Variants in CYP4Z1 observed in about 807,000 individuals in gnomAD.
The protein encoded by CYP4Z1 is cytochrome P450 family 4 subfamily Z member 1.
Under a neutral mutation model 54.2 loss-of-function variants are expected in CYP4Z1, and 41 were observed. The ratio of observed to expected loss-of-function variants is 0.76; its 90% CI spans 0.59 to 0.98. The LOEUF (loss-of-function observed/expected upper bound fraction) is 0.98. Ranked by LOEUF, CYP4Z1 falls within the 50% of genes least tolerant of loss-of-function variation. The pLI, the probability that CYP4Z1 is intolerant of heterozygous loss-of-function variation, is 0.00. For synonymous variants in CYP4Z1, 163 were observed against 206.2 expected, an observed-to-expected ratio of 0.79 and a Z score of 1.79; for missense variants, 513 against 599.0, an observed-to-expected ratio of 0.86 and a Z score of 1.50.
chr1:47,061,759 T>G, the CYP4Z1 span, among the ~76,000 whole-genome samples: 2 of 152,210 alleles, frequency 1.3e-5, no homozygotes, highest in Admixed American at 1.3e-4. Flanking sequence ...ATATTCTTGA[T>G]GAACATTGAT....
intron 8 of CYP4Z1, among the ~76,000 whole-genome samples, chr1:47,100,414 A>C (rs1644712839): frequency 6.6e-6 from 1 of 152,244 alleles, no homozygotes; most frequent in Non-Finnish European, 1.5e-5. Context: ...ACAATTTATA[A>C]GTTTTAAATT....
intron 6 of CYP4Z1, among the ~76,000 whole-genome samples, chr1:47,086,151 C>T (rs1216624920): frequency 1.3e-5 from 2 of 152,134 alleles, no homozygotes; most frequent in Non-Finnish European, 2.9e-5. Flanking sequence ...CCACAGTAAA[C>T]ACACGTGTGC....
Position 47,074,446 on chromosome 1 carries a change from T to C in CYP4Z1, c.319+5683T>C, listed in dbSNP as rs527796916. ...CTACATTAATTCACTTAGGATAATGTCCTGCACCTGCATCCATGTTGCTGC... is the reference window on the plus strand; with the variant it reads ...CTACATTAATTCACTTAGGATAATGCCCTGCACCTGCATCCATGTTGCTGC... On this transcript the variant is annotated intron_variant, in intron 2 of 11. Transcript: ENST00000334194. 4.7e-3 allele frequency among the ~76,000 whole-genome samples: 708 copies of C among 152,168 alleles called. 6 individuals are homozygous for C. The highest frequency in any genetic ancestry group is 0.016 in the African/African-American group (665 of 41,462).
chr1:47,089,429 T>C (rs1334168998), intron 6 of CYP4Z1, among the ~76,000 whole-genome samples: 5 of 151,878 alleles, frequency 3.3e-5, no homozygotes, highest in Non-Finnish European at 7.4e-5. Context: ...AATTCCACAT[T>C]GTGGAAGTTA....
At chr1:47,063,172 C>T (rs867430234), upstream of CYP4Z1, among the ~76,000 whole-genome samples, 12 of 152,248 alleles carry the variant, frequency 7.9e-5, no homozygotes, top group Admixed American at 3.9e-4. Flanking sequence ...GGAAGCCCCA[C>T]TCCTAGGGGA....
At chr1:47,082,288 C>T (rs777684860) in intron 3 of CYP4Z1, 46 bp from the exon 4 acceptor site, 3 of 1,557,470 alleles carry the variant, frequency 1.9e-6, no homozygotes, top group Non-Finnish European at 1.7e-6. Context: ...TCTTTCTTCA[C>T]TTACCTGGCC....
intron 9 of CYP4Z1, among the ~76,000 whole-genome samples, chr1:47,109,294 A>C (rs1324111049): frequency 6.6e-6 from 1 of 152,184 alleles, no homozygotes; most frequent in Admixed American, 6.5e-5. Flanking sequence ...CAAGAAGAGA[A>C]ATTCCCAGTT....
chr1:47,085,862 G>C (rs1644590285), intron 6 of CYP4Z1, among the ~76,000 whole-genome samples: 1 of 102,788 alleles, frequency 9.7e-6, no homozygotes, highest in Admixed American at 1.5e-4. Context: ...CCCCACAACA[G>C]GCCCCAGTGT....
intron 1 of CYP4Z1, 49 bp downstream of exon 1, chr1:47,067,716 T>A (rs1433137242): frequency 6.7e-7 from 1 of 1,493,740 alleles, no homozygotes; most frequent in Admixed American, 2.1e-5. Flanking sequence ...AAAGATGAGG[T>A]ATTAAAAAAA....
chr1:47,116,755 T>G (rs751297304), intron 11 of CYP4Z1, 23 bp downstream of exon 11: 6 of 1,556,314 alleles, frequency 3.9e-6, no homozygotes, highest in Non-Finnish European at 5.3e-6. Flanking sequence ...GCTGGTGAAC[T>G]TGATGGAAAT....
Position 47,067,499 on chromosome 1 carries a change from C to T in CYP4Z1, c.9C>T (p.Pro3=), listed in dbSNP as rs1354510162. 1.2e-6 allele frequency: 2 copies of T among 1,608,612 alleles called. No homozygotes were observed. The highest frequency in any genetic ancestry group is 1.7e-6 in the Non-Finnish European group (2 of 1,177,016). The change falls in exon 1 of 12, where the codon CCC becomes CCT. Residue 3 remains proline, a synonymous_variant. Transcript: ENST00000334194. ME[P]SWLQELMAHP... is the part of the protein sequence containing the mutation. The stretch of plus-strand genomic sequence containing the variant: ...CAGGACCTCTGAGAAGAATGGAGCC[C>T]TCCTGGCTTCAGGAACTCATGGCTC...
intron 1 of CYP4Z1, among the ~76,000 whole-genome samples, chr1:47,068,384 C>T (rs1045827336): frequency 7.9e-5 from 12 of 152,012 alleles, no homozygotes; most frequent in African/African-American, 2.4e-4. Flanking sequence ...CCAAAGTTGA[C>T]GCTGGAGTGA....
At chr1:47,063,101 G>A (rs772483923), upstream of CYP4Z1, among the ~76,000 whole-genome samples, 6 of 152,120 alleles carry the variant, frequency 3.9e-5, no homozygotes, top group Admixed American at 1.3e-4. Flanking sequence ...CTAGAGCCTC[G>A]TAGCTCTGCT....
At chr1:47,091,503 T>G (rs1248652950) in intron 6 of CYP4Z1, among the ~76,000 whole-genome samples, 2 of 148,414 alleles carry the variant, frequency 1.3e-5, no homozygotes, top group African/African-American at 5.0e-5. Flanking sequence ...GAGAGCATAC[T>G]TGGAGTAGGT....
At chr1:47,095,525 A>T (rs975310138) in intron 7 of CYP4Z1, among the ~76,000 whole-genome samples, 5 of 152,240 alleles carry the variant, frequency 3.3e-5, no homozygotes, top group Non-Finnish European at 7.3e-5. Context: ...TTATATGTGT[A>T]AAGATACTGA....
intron 9 of CYP4Z1, among the ~76,000 whole-genome samples, chr1:47,112,945 C>A (rs941730884): frequency 6.6e-6 from 1 of 151,904 alleles, no homozygotes; most frequent in African/African-American, 2.4e-5. Flanking sequence ...CACTATATCC[C>A]ATATGGTTCT....
At chr1:47,098,069 G>A (rs4926728) in intron 7 of CYP4Z1, among the ~76,000 whole-genome samples, 38,689 of 151,870 alleles carry the variant, frequency 0.25, 5,770 homozygotes, top group East Asian at 0.69. Context: ...CTCCCAACTC[G>A]GCCTTCCAAA....
upstream of CYP4Z1, among the ~76,000 whole-genome samples, chr1:47,066,747 G>A (rs975425754): frequency 2.6e-5 from 4 of 152,020 alleles, no homozygotes; most frequent in Non-Finnish European, 2.9e-5. Flanking sequence ...TGATATGATC[G>A]TATACCTAGA....
chr1:47,068,235 T>C (rs1358242650), intron 1 of CYP4Z1, among the ~76,000 whole-genome samples: 3 of 152,174 alleles, frequency 2.0e-5, no homozygotes, highest in Non-Finnish European at 4.4e-5. Flanking sequence ...TGCCAGGAAT[T>C]TTATGTTTAT....
Sources: gnomAD v4.1 joint callset for allele counts (sites outside exome capture counted in the v4.1 genomes callset) on GRCh38, gnomAD v4.1.1 for gene constraint, MANE v1.5 for transcripts, NCBI Gene and HGNC (gene_info 2026-07-23, HGNC 2026-07-21) for gene names.